HEMK2: variants seen among roughly 807,000 people sequenced by gnomAD.
HEMK2 encodes the protein methyltransferase HEMK2.
At chr21:28,734,398 T>A in the HEMK2 span, among the ~76,000 whole-genome samples, 1 of 152,318 alleles carries the variant, frequency 6.6e-6, no homozygotes, top group African/African-American at 2.4e-5. Context: ...AATCAGAAAT[T>A]TGGCAAGACA....
chr21:28,661,310 A>T, the HEMK2 span, among the ~76,000 whole-genome samples: 1 of 151,944 alleles, frequency 6.6e-6, no homozygotes, highest in Non-Finnish European at 1.5e-5. Context: ...TTGCACCTTC[A>T]TCTTTTCTCA....
At chr21:28,675,236 C>A in the HEMK2 span, among the ~76,000 whole-genome samples, 1 of 151,988 alleles carries the variant, frequency 6.6e-6, no homozygotes, top group Non-Finnish European at 1.5e-5. Flanking sequence ...AGTGAAATAG[C>A]AACCTTTTGC....
the HEMK2 span, among the ~76,000 whole-genome samples, chr21:28,731,353 T>A: frequency 6.6e-6 from 1 of 152,164 alleles, no homozygotes; most frequent in African/African-American, 2.4e-5. Context: ...AAAAGTGCCA[T>A]ATTCTGTGTA....
At chr21:28,836,316 G>A in the HEMK2 span, among the ~76,000 whole-genome samples, 2 of 152,144 alleles carry the variant, frequency 1.3e-5, no homozygotes, top group Non-Finnish European at 2.9e-5. Context: ...AGCTAGAAGG[G>A]ATTGGGGCCC....
chr21:28,855,329 G>T, the HEMK2 span, among the ~76,000 whole-genome samples: 1 of 152,164 alleles, frequency 6.6e-6, no homozygotes, highest in Non-Finnish European at 1.5e-5. Context: ...AAATATACAT[G>T]CATTCAACAC....
chr21:28,665,334 CTT>C, the HEMK2 span, among the ~76,000 whole-genome samples: 226 of 36,686 alleles, frequency 6.2e-3, 3 homozygotes, highest in Non-Finnish European at 8.6e-3. Flanking sequence ...ATTTATATTT[CTT>C]TTTTTTTTTT....
chr21:28,809,741 G>T, the HEMK2 span, among the ~76,000 whole-genome samples: 3 of 152,082 alleles, frequency 2.0e-5, no homozygotes, highest in African/African-American at 7.2e-5. Context: ...GAATTCTAAT[G>T]CTTTTTAAAA....
chr21:28,759,397 A>G, the HEMK2 span, among the ~76,000 whole-genome samples: 8 of 152,040 alleles, frequency 5.3e-5, no homozygotes, highest in African/African-American at 1.9e-4. Flanking sequence ...CAATGCCTGT[A>G]CCCCCACTGT....
the HEMK2 span, among the ~76,000 whole-genome samples, chr21:28,769,361 A>G: frequency 6.6e-6 from 1 of 152,108 alleles, no homozygotes; most frequent in African/African-American, 2.4e-5. Flanking sequence ...TCAGTAGCAT[A>G]AGGGAGGTCT....
At chr21:28,841,285 A>ATT in the HEMK2 span, among the ~76,000 whole-genome samples, 359 of 7,940 alleles carry the variant, frequency 0.045, 34 homozygotes, top group East Asian at 0.33. Flanking sequence ...TATTATATAT[A>ATT]ATATATATTA....
the HEMK2 span, among the ~76,000 whole-genome samples, chr21:28,831,491 GA>G: frequency 1.5e-5 from 1 of 67,308 alleles, no homozygotes; most frequent in African/African-American, 6.8e-5. Context: ...AAGAAAGAAA[GA>G]AAGAAAGAAA....
chr21:28,578,334 C>T, the HEMK2 span, among the ~76,000 whole-genome samples: 1 of 152,212 alleles, frequency 6.6e-6, no homozygotes, highest in Admixed American at 6.5e-5. Context: ...TGATTCAGCT[C>T]TCCATAACAA....
chr21:28,636,160 T>A, the HEMK2 span, among the ~76,000 whole-genome samples: 1 of 152,156 alleles, frequency 6.6e-6, no homozygotes, highest in Non-Finnish European at 1.5e-5. Context: ...GTACATTGAG[T>A]ATCTTCAGTA....
chr21:28,723,025 T>A, the HEMK2 span, among the ~76,000 whole-genome samples: 1,654 of 148,234 alleles, frequency 0.011, 24 homozygotes, highest in African/African-American at 0.039. Context: ...AAAAAAAAAA[T>A]AGAGACAAGT....
At chr21:28,777,279 T>C in the HEMK2 span, among the ~76,000 whole-genome samples, 19 of 152,326 alleles carry the variant, frequency 1.2e-4, no homozygotes, top group Middle Eastern at 6.8e-3. Context: ...GTGACCTCTT[T>C]ACAGTCCAAA....
the HEMK2 span, among the ~76,000 whole-genome samples, chr21:28,717,054 A>T: frequency 1.3e-5 from 2 of 152,184 alleles, no homozygotes; most frequent in Admixed American, 1.3e-4. Flanking sequence ...ATCTGTGTTC[A>T]TCAGGAATAT....
chr21:28,870,612 G>A, the HEMK2 span, among the ~76,000 whole-genome samples: 2 of 152,120 alleles, frequency 1.3e-5, no homozygotes, highest in Non-Finnish European at 2.9e-5. Flanking sequence ...TGTTGGCCAT[G>A]CTGGTCCCAA....
chr21:28,814,951 T>C, the HEMK2 span, among the ~76,000 whole-genome samples: 16 of 152,166 alleles, frequency 1.1e-4, no homozygotes, highest in Non-Finnish European at 2.1e-4. Flanking sequence ...AGCGGCACTA[T>C]TCACAATAGC....
the HEMK2 span, among the ~76,000 whole-genome samples, chr21:28,692,983 A>G: frequency 3.3e-5 from 5 of 152,290 alleles, no homozygotes; most frequent in South Asian, 1.0e-3. Context: ...GTGTTTTGCC[A>G]GCAGCTGGAG....
Sources: gnomAD v4.1 joint callset for allele counts (sites outside exome capture counted in the v4.1 genomes callset) on GRCh38, gnomAD v4.1.1 for gene constraint, MANE v1.5 for transcripts, NCBI Gene and HGNC (gene_info 2026-07-23, HGNC 2026-07-21) for gene names.